Variants in PDE7B observed in about 807,000 individuals in gnomAD.
PDE7B encodes the protein phosphodiesterase 7B.
PDE7B carries 29 observed loss-of-function variants against 56.2 expected under a neutral mutation model. The ratio of observed to expected loss-of-function variants is 0.52; its 90% CI spans 0.38 to 0.70. The LOEUF (loss-of-function observed/expected upper bound fraction) is 0.70. Ranked by LOEUF, PDE7B falls within the 30% of genes least tolerant of loss-of-function variation. The pLI is 0.00. For missense variants in PDE7B, 490 were observed against 565.0 expected, an observed-to-expected ratio of 0.87 and a Z score of 1.35; for synonymous variants, 197 against 196.9, an observed-to-expected ratio of 1.00 and a Z score of 0.00.
At chr6:136,028,746 T>A (rs1776191936) in intron 2 of PDE7B, among the ~76,000 whole-genome samples, 1 of 152,220 alleles carries the variant, frequency 6.6e-6, no homozygotes, top group Non-Finnish European at 1.5e-5. Context: ...TGAAATTATT[T>A]TGGTCTCATC....
chr6:136,081,278 C>T (rs888988862), intron 2 of PDE7B, among the ~76,000 whole-genome samples: 8 of 151,938 alleles, frequency 5.3e-5, no homozygotes, highest in Non-Finnish European at 1.0e-4. Flanking sequence ...AACAGTGCCT[C>T]GGGGAGAAAC....
At chr6:135,868,795 G>A (rs760313056) in intron 1 of PDE7B, among the ~76,000 whole-genome samples, 10 of 152,174 alleles carry the variant, frequency 6.6e-5, no homozygotes, top group South Asian at 2.1e-4. Flanking sequence ...CATTAAAAAT[G>A]ATTCTTACTC....
At chr6:136,108,311 G>T (rs886670547) in intron 2 of PDE7B, among the ~76,000 whole-genome samples, 4 of 152,076 alleles carry the variant, frequency 2.6e-5, no homozygotes, top group Admixed American at 2.6e-4. Flanking sequence ...AAAGGTGGAT[G>T]CCAGTCAGAA....
intron 1 of PDE7B, among the ~76,000 whole-genome samples, chr6:135,939,800 A>T (rs1206546170): frequency 1.3e-5 from 2 of 152,146 alleles, no homozygotes; most frequent in Non-Finnish European, 2.9e-5. Context: ...GCCATTCTAT[A>T]AGATAATTCA....
intron 2 of PDE7B, among the ~76,000 whole-genome samples, chr6:136,006,736 C>G (rs1775791625): frequency 6.6e-6 from 1 of 152,082 alleles, no homozygotes; most frequent in African/African-American, 2.4e-5. Context: ...TATAGAAAAG[C>G]TGGTGATTTT....
At chr6:135,996,748 A>G (rs1334798459) in intron 2 of PDE7B, among the ~76,000 whole-genome samples, 3 of 152,218 alleles carry the variant, frequency 2.0e-5, no homozygotes, top group Non-Finnish European at 4.4e-5. Flanking sequence ...CTGAGAAGAA[A>G]AATCCATCTA....
intron 1 of PDE7B, among the ~76,000 whole-genome samples, chr6:135,903,530 C>T (rs1283457517): frequency 6.6e-6 from 1 of 152,166 alleles, no homozygotes; most frequent in Non-Finnish European, 1.5e-5. Flanking sequence ...GGGGTAATGT[C>T]AACCAAACCA....
chr6:136,170,006 C>A (rs1299089261), intron 8 of PDE7B, among the ~76,000 whole-genome samples: 3 of 152,116 alleles, frequency 2.0e-5, no homozygotes, highest in African/African-American at 7.2e-5. Flanking sequence ...TACCTCATAA[C>A]AAAGCCTTGG....
At chr6:136,153,127 C>T (rs371285462) in intron 6 of PDE7B, among the ~76,000 whole-genome samples, 97 of 152,296 alleles carry the variant, frequency 6.4e-4, no homozygotes, top group African/African-American at 2.3e-3. Context: ...GATTGTATTT[C>T]AATTGATTGA....
chr6:136,177,419 A>C (rs568226586), intron 9 of PDE7B, among the ~76,000 whole-genome samples: 160 of 152,356 alleles, frequency 1.1e-3, no homozygotes, highest in African/African-American at 3.7e-3. Flanking sequence ...CTGACAAAGG[A>C]CCAGTATTTA....
At chr6:136,071,934 T>C (rs1777055802) in intron 2 of PDE7B, among the ~76,000 whole-genome samples, 1 of 152,258 alleles carries the variant, frequency 6.6e-6, no homozygotes, top group Admixed American at 6.5e-5. Context: ...AACATTTTTT[T>C]CCTTCAGTTA....
intron 3 of PDE7B, 67 bp from the exon 4 acceptor site, chr6:136,147,284 T>G: frequency 2.8e-6 from 3 of 1,059,930 alleles, no homozygotes; most frequent in Non-Finnish European, 4.1e-6. Context: ...GCATTTATTT[T>G]TACAGAGTGG....
intron 1 of PDE7B, among the ~76,000 whole-genome samples, chr6:135,923,876 C>T (rs910832449): frequency 2.6e-5 from 4 of 151,976 alleles, no homozygotes; most frequent in Non-Finnish European, 5.9e-5. Flanking sequence ...CCAGTTGTTA[C>T]CAAGAGTAGA....
chr6:136,081,845 TTTTA>T (rs1308556840), intron 2 of PDE7B, among the ~76,000 whole-genome samples: 3 of 152,222 alleles, frequency 2.0e-5, no homozygotes, highest in African/African-American at 4.8e-5. Context: ...ACATTTATGT[TTTTA>T]TTTGTTTGTT....
At chr6:135,944,702 T>A (rs1363208917) in intron 1 of PDE7B, among the ~76,000 whole-genome samples, 1 of 152,156 alleles carries the variant, frequency 6.6e-6, no homozygotes, top group East Asian at 1.9e-4. Context: ...CCTCCTGAAT[T>A]TGTTTATGGC....
rs533136517 is a variant in PDE7B, at chr6:136,167,161, T to G, written c.712-6636T>G. On this transcript the variant is annotated intron_variant, in intron 8 of 12. Transcript: ENST00000308191. ...GACTACCTTACCAGCCCTGACTATATCTGAAAGTGGGGACTCTCAGATGCC... is the reference window on the plus strand; with the variant it reads ...GACTACCTTACCAGCCCTGACTATAGCTGAAAGTGGGGACTCTCAGATGCC... Among the ~76,000 whole-genome samples, 320 of 152,298 alleles carry G rather than the reference T, an allele frequency of 2.1e-3. 1 individual carries two copies. Among genetic ancestry groups the G allele is most frequent in the African/African-American group, 7.2e-3 (299 of 41,566 alleles).
intron 1 of PDE7B, among the ~76,000 whole-genome samples, chr6:135,891,955 A>G (rs1312199557): frequency 6.6e-6 from 1 of 152,138 alleles, no homozygotes; most frequent in East Asian, 1.9e-4. Flanking sequence ...CAGCTAGAAG[A>G]GCACATGGTC....
chr6:136,150,192 CAAGTATATG>C (rs529954350), intron 5 of PDE7B, among the ~76,000 whole-genome samples: 278 of 152,250 alleles, frequency 1.8e-3, no homozygotes, highest in African/African-American at 6.1e-3. Context: ...AAGAGCCTCA[CAAGTATATG>C]AAGTATATAC....
intron 2 of PDE7B, among the ~76,000 whole-genome samples, chr6:135,975,533 T>A (rs1775170018): frequency 6.9e-6 from 1 of 145,096 alleles, no homozygotes; most frequent in Non-Finnish European, 1.5e-5. Context: ...CTCAAGATCA[T>A]CATAGACAAG....
Sources: allele counts gnomAD v4.1 joint callset (sites outside exome capture counted in the v4.1 genomes callset), GRCh38; gene constraint gnomAD v4.1.1; transcripts MANE v1.5; gene names NCBI Gene and HGNC (gene_info 2026-07-23, HGNC 2026-07-21).